ABCA1: variants seen among roughly 807,000 people sequenced by gnomAD.
ABCA1 encodes the protein phospholipid-transporting ATPase ABCA1.
Under a neutral mutation model 262.5 loss-of-function variants are expected in ABCA1, and 133 were observed. That is an observed-to-expected ratio of 0.51 (90% CI 0.44 to 0.59). The LOEUF (loss-of-function observed/expected upper bound fraction) is 0.59, where lower values mean the gene tolerates loss of function less well. Ranked by LOEUF, ABCA1 falls within the 20% of genes least tolerant of loss-of-function variation. ABCA1 has a pLI of 0.00. For synonymous variants in ABCA1, 1,022 were observed against 1,043.5 expected, an observed-to-expected ratio of 0.98 and a Z score of 0.40; for missense variants, 2,452 against 2,777.5, an observed-to-expected ratio of 0.88 and a Z score of 2.63.
chr9:104,800,686 A>G, intron 34 of ABCA1, 102 bp from the exon 35 acceptor site: 1 of 979,350 alleles, frequency 1.0e-6, no homozygotes, highest in South Asian at 1.3e-5. Flanking sequence ...TGTGAAGAGC[A>G]ATGCCACTAC....
At chr9:104,807,493 T>C (rs7855185) in intron 30 of ABCA1, among the ~76,000 whole-genome samples, 2,412 of 152,304 alleles carry the variant, frequency 0.016, 58 homozygotes, top group African/African-American at 0.055. Flanking sequence ...TAAAGTAAAG[T>C]TACAGCAATT....
chr9:104,858,026 T>C (rs1835998431), intron 7 of ABCA1, among the ~76,000 whole-genome samples: 1 of 152,188 alleles, frequency 6.6e-6, no homozygotes, highest in Non-Finnish European at 1.5e-5. Context: ...TTCGTCGGAA[T>C]TTTTCTTTGC....
At position 104,837,554 on chromosome 9, in the gene ABCA1, A is replaced by G. The variant is rs1366241491; in HGVS notation, c.1068T>C (p.Asn356=). The stretch of plus-strand genomic sequence containing the variant: ...TAGACTCCAAATTCTTCATCAAATC[A>G]TTGCAGTAAGGAGCTATGAAGAAGA... ...FYDNSTTPYC[N]DLMKNLESSP... The change falls in exon 10 of 50, where the codon AAT becomes AAC. Residue 356 remains asparagine, a synonymous_variant. Transcript: ENST00000374736. 1.2e-6 allele frequency: 2 copies of G among 1,613,956 alleles called. No individual in the cohort carries two copies. The highest frequency in any genetic ancestry group is 1.3e-5 in the African/African-American group (1 of 74,908).
intron 42 of ABCA1, among the ~76,000 whole-genome samples, chr9:104,792,417 C>A (rs943866710): frequency 6.6e-6 from 1 of 152,070 alleles, no homozygotes; most frequent in African/African-American, 2.4e-5. Context: ...GATATAGACC[C>A]TCTTGAACAC....
intron 1 of ABCA1, among the ~76,000 whole-genome samples, chr9:104,915,527 T>C (rs760527783): frequency 6.6e-6 from 1 of 152,200 alleles, no homozygotes; most frequent in Non-Finnish European, 1.5e-5. Context: ...GGTGTTTTTC[T>C]TTAAATATTG....
chr9:104,836,015 G>C (rs1265550442), intron 11 of ABCA1, among the ~76,000 whole-genome samples: 1 of 152,120 alleles, frequency 6.6e-6, no homozygotes, highest in Admixed American at 6.5e-5. Flanking sequence ...AGGTCTACGG[G>C]GCTAGATCAT....
intron 1 of ABCA1, among the ~76,000 whole-genome samples, chr9:104,911,846 G>T (rs1274530578): frequency 6.6e-6 from 1 of 152,146 alleles, no homozygotes; most frequent in Non-Finnish European, 1.5e-5. Context: ...ATCCTCCAAG[G>T]TAAAAGTCAA....
chr9:104,819,537 C>A, intron 22 of ABCA1, 49 bp downstream of exon 22: 1 of 1,613,014 alleles, frequency 6.2e-7, no homozygotes, highest in African/African-American at 1.3e-5. Flanking sequence ...CTCAAAAGCC[C>A]CCCGCTCTCT....
chr9:104,855,042 T>C (rs772616093), intron 7 of ABCA1: 73 of 614,312 alleles, frequency 1.2e-4, no homozygotes, highest in Non-Finnish European at 1.1e-4. Context: ...CAGTATTAAT[T>C]TTCACACAAG....
intron 18 of ABCA1, among the ~76,000 whole-genome samples, chr9:104,823,481 T>C (rs796936129): frequency 2.0e-5 from 3 of 152,332 alleles, no homozygotes; most frequent in African/African-American, 4.8e-5. Flanking sequence ...AACCCCCTCA[T>C]GTAATTTGTA....
At chr9:104,861,869 G>A in intron 5 of ABCA1, 69 bp from the exon 6 acceptor site, 1 of 1,394,934 alleles carries the variant, frequency 7.2e-7, no homozygotes, top group Non-Finnish European at 1.0e-6. Flanking sequence ...TGGGCACAAT[G>A]GGACAGTGGA....
Position 104,821,507 on chromosome 9 carries a change from C to T in ABCA1, c.2829-1G>A. ...GGGGAACAACCCGGTCAGGATTGACCTGAGGACAAAAATTTAGAAGTACAG... is the reference window on the plus strand; with the variant it reads ...GGGGAACAACCCGGTCAGGATTGACTTGAGGACAAAAATTTAGAAGTACAG... On this transcript the variant is annotated splice_acceptor_variant, in intron 19 of 49. Coordinates refer to ENST00000374736, the MANE Select transcript of ABCA1 (RefSeq NM_005502.4). LOFTEE classifies it high-confidence loss of function. 1 of 1,613,828 alleles carries T rather than the reference C, an allele frequency of 6.2e-7. No homozygotes were observed. The highest frequency in any genetic ancestry group is 1.1e-5 in the South Asian group (1 of 91,060).
At chr9:104,826,202 T>C (rs970371595) in intron 16 of ABCA1, among the ~76,000 whole-genome samples, 6 of 152,162 alleles carry the variant, frequency 3.9e-5, no homozygotes, top group African/African-American at 1.2e-4. Flanking sequence ...CCCACACACA[T>C]GCGCATACCC....
chr9:104,805,925 C>T (rs1168494602), intron 31 of ABCA1, among the ~76,000 whole-genome samples: 2 of 152,010 alleles, frequency 1.3e-5, no homozygotes, highest in Non-Finnish European at 2.9e-5. Context: ...GCCAACACGG[C>T]GAAACCCTAT....
intron 20 of ABCA1, 77 bp from the exon 21 acceptor site, chr9:104,820,146 T>A: frequency 6.4e-7 from 1 of 1,558,770 alleles, no homozygotes; most frequent in Non-Finnish European, 8.8e-7. Flanking sequence ...CCAGAACAGA[T>A]GAGAATGGGC....
Position 104,809,640 on chromosome 9 carries a change from A to G in ABCA1, c.4176-76T>C, listed in dbSNP as rs1035384132. ...TCGAGAGATAAAAATGTTTTTATAA[A>G]TTAAACATTTTAGGAAGCATTTCTC... is the stretch of plus-strand genomic sequence containing the variant. On this transcript the variant is annotated intron_variant, in intron 29 of 49. Transcript: ENST00000374736. 6 of 1,311,214 alleles carry G rather than the reference A, an allele frequency of 4.6e-6. No homozygotes were observed. In the Admixed American group the frequency reaches 9.4e-5, roughly 20 times the overall value. 81.2% of individuals were successfully genotyped at this position (1,311,214 alleles called of 1,614,324 possible). A position where few individuals can be genotyped will look rare whatever the true frequency, so the allele number is the denominator to read the frequency against.
chr9:104,814,093 A>G, intron 27 of ABCA1, 25 bp downstream of exon 27: 1 of 1,605,072 alleles, frequency 6.2e-7, no homozygotes. Flanking sequence ...ACAGTAGGAC[A>G]CTGTTTGATC....
At chr9:104,795,489 C>T (rs1222978588) in intron 39 of ABCA1, among the ~76,000 whole-genome samples, 1 of 152,140 alleles carries the variant, frequency 6.6e-6, no homozygotes, top group African/African-American at 2.4e-5. Context: ...ACTCTAAGAG[C>T]CAGCTTGGGC....
chr9:104,821,445 T>C lies in ABCA1; in HGVS notation c.2890A>G (p.Ile964Val). Residue 964 changes from isoleucine (I) to valine (V), a missense_variant, in exon 20 of 50, where the codon ATT (isoleucine) becomes GTT (valine). This residue lies in a region of ABCA1 where 665 missense variants were observed against 727.3 expected (regional missense o/e 0.91). Coordinates refer to ENST00000374736, the MANE Select transcript of ABCA1 (RefSeq NM_005502.4). ...SGTAYILGKD[I>V]RSEMSTIRQN... Reference sequence around the variant, plus strand: ...CGGATGGTGCTCATCTCAGAGCGAATGTCTTTTCCCAGGATGTAGGCGGTG... The same window carrying C: ...CGGATGGTGCTCATCTCAGAGCGAACGTCTTTTCCCAGGATGTAGGCGGTG... 16 of 1,614,140 alleles carry C rather than the reference T, an allele frequency of 9.9e-6. No individual in the cohort carries two copies. Among genetic ancestry groups the C allele is most frequent in the Non-Finnish European group, 1.4e-5 (16 of 1,180,024 alleles).
Sources: allele counts gnomAD v4.1 joint callset (sites outside exome capture counted in the v4.1 genomes callset), GRCh38; gene constraint gnomAD v4.1.1; regional missense constraint gnomAD v4.1.1; transcripts MANE v1.5; gene names NCBI Gene and HGNC (gene_info 2026-07-23, HGNC 2026-07-21).